ADCY8: variants seen among roughly 807,000 people sequenced by gnomAD.
ADCY8 encodes adenylate cyclase type 8.
In ADCY8, 51 loss-of-function variants were observed where a neutral mutation model predicts 119.7. The observed-to-expected ratio is 0.43, with a 90% CI of 0.34 to 0.54. ADCY8 has a LOEUF of 0.54. Ranked by LOEUF, ADCY8 falls within the 20% of genes least tolerant of loss-of-function variation. The pLI, the probability that ADCY8 is intolerant of heterozygous loss-of-function variation, is 0.03. For synonymous variants in ADCY8, 665 were observed against 651.0 expected (o/e 1.02, Z -0.33); for missense variants, 1,383 against 1,598.8 (o/e 0.87, Z 2.30).
At chr8:130,856,436 C>A (rs1427931344) in intron 9 of ADCY8, among the ~76,000 whole-genome samples, 1 of 152,072 alleles carries the variant, frequency 6.6e-6, no homozygotes, top group Non-Finnish European at 1.5e-5. Flanking sequence ...CACGGCCGGG[C>A]CCTTCTTGGC....
intron 7 of ADCY8, among the ~76,000 whole-genome samples, chr8:130,896,793 ACAGTAAGATAAC>A (rs1243859925): frequency 6.6e-6 from 1 of 152,090 alleles, no homozygotes; most frequent in Admixed American, 6.6e-5. Context: ...CTGTTACCCT[ACAGTAAGATAAC>A]TGTAAACAGT....
At position 130,966,948 on chromosome 8, in the gene ADCY8, T is replaced by C. The variant is rs546157048; in HGVS notation, c.1111-14950A>G. Among the ~76,000 whole-genome samples the C allele has an allele frequency of 1.7e-4, 26 of 152,308 alleles. No homozygotes were observed. In the South Asian group the frequency reaches 2.3e-3, roughly 13 times the overall value. On this transcript the variant is annotated intron_variant, in intron 2 of 17. Transcript: ENST00000286355. ...TTTTTGAACTTTAATTGTATATTGGTGCTAAAGCTTTCACTCTTAGAAAAA... is the reference window on the plus strand; with the variant it reads ...TTTTTGAACTTTAATTGTATATTGGCGCTAAAGCTTTCACTCTTAGAAAAA...
intron 1 of ADCY8, among the ~76,000 whole-genome samples, chr8:131,003,719 G>T (rs1183392419): frequency 6.6e-6 from 1 of 152,216 alleles, no homozygotes; most frequent in East Asian, 1.9e-4. Context: ...GTGATTGACT[G>T]TCTTGGTTTG....
At chr8:130,897,248 C>A (rs1025320769) in intron 7 of ADCY8, among the ~76,000 whole-genome samples, 12 of 152,044 alleles carry the variant, frequency 7.9e-5, no homozygotes, top group African/African-American at 2.7e-4. Flanking sequence ...GGACGGCAAT[C>A]AGATGAGAAT....
At chr8:130,846,879 TC>T (rs1476039885) in intron 11 of ADCY8, among the ~76,000 whole-genome samples, 1 of 23,656 alleles carries the variant, frequency 4.2e-5, no homozygotes, top group African/African-American at 2.5e-4. Context: ...TCCCTTCCCT[TC>T]CCTTCCCTTT....
intron 15 of ADCY8, among the ~76,000 whole-genome samples, chr8:130,786,783 G>T (rs1475497982): frequency 6.6e-6 from 1 of 152,174 alleles, no homozygotes; most frequent in Non-Finnish European, 1.5e-5. Context: ...GAGGGATGAG[G>T]AGATCAGGCC....
intron 5 of ADCY8, among the ~76,000 whole-genome samples, chr8:130,930,484 C>T (rs1450006340): frequency 1.3e-5 from 2 of 152,200 alleles, no homozygotes; most frequent in South Asian, 2.1e-4. Flanking sequence ...ATCCCCTGAC[C>T]TCACGATCCA....
At chr8:130,790,866 G>C (rs1039307031) in intron 15 of ADCY8, among the ~76,000 whole-genome samples, 1 of 152,148 alleles carries the variant, frequency 6.6e-6, no homozygotes. Flanking sequence ...TCAAGTGACG[G>C]TACTCAGAAG....
At chr8:130,847,140 AAAGG>A (rs531235308) in intron 11 of ADCY8, among the ~76,000 whole-genome samples, 189 of 152,140 alleles carry the variant, frequency 1.2e-3, no homozygotes, top group African/African-American at 4.3e-3. Context: ...GGAAAGGTGA[AAAGG>A]AAGAAAAGGA....
At chr8:130,942,222 T>C (rs1404554305) in intron 4 of ADCY8, among the ~76,000 whole-genome samples, 4 of 152,206 alleles carry the variant, frequency 2.6e-5, no homozygotes, top group African/African-American at 7.2e-5. Context: ...TTGAGATTCA[T>C]TGGTGTTGCA....
rs564812639 is a variant in ADCY8 at position 130,802,582 on chromosome 8, C to T, written c.2914-2010G>A. 2.0e-5 allele frequency among the ~76,000 whole-genome samples: 3 copies of T among 152,304 alleles called. No homozygotes were observed. In the South Asian group the frequency reaches 6.2e-4, roughly 32 times the overall value. On this transcript the variant is annotated intron_variant, in intron 14 of 17. Coordinates refer to ENST00000286355, the MANE Select transcript of ADCY8 (RefSeq NM_001115.3). ...CACTGAAGCATGACATATATGCATGCCCCTGCCTCCACCTATCTCTTCAGC... is the reference window on the plus strand; with the variant it reads ...CACTGAAGCATGACATATATGCATGTCCCTGCCTCCACCTATCTCTTCAGC...
intron 1 of ADCY8, among the ~76,000 whole-genome samples, chr8:131,005,670 G>T (rs774141385): frequency 1.3e-5 from 2 of 152,158 alleles, no homozygotes; most frequent in Non-Finnish European, 2.9e-5. Flanking sequence ...AATCAGGAAC[G>T]AGAGAGAGCA....
chr8:130,803,870 A>C (rs1815859715), intron 14 of ADCY8, among the ~76,000 whole-genome samples: 1 of 152,218 alleles, frequency 6.6e-6, no homozygotes, highest in South Asian at 2.1e-4. Flanking sequence ...AGCATGGATT[A>C]ATCTAAACTG....
At chr8:130,950,642 T>C (rs1378900728) in intron 3 of ADCY8, among the ~76,000 whole-genome samples, 3 of 152,240 alleles carry the variant, frequency 2.0e-5, no homozygotes, top group African/African-American at 4.8e-5. Flanking sequence ...ATTTCCCTCA[T>C]GTACTTCTCC....
At chr8:131,032,349 C>T (rs767590378) in intron 1 of ADCY8, among the ~76,000 whole-genome samples, 5 of 151,942 alleles carry the variant, frequency 3.3e-5, no homozygotes, top group Admixed American at 1.3e-4. Context: ...GATAGAAAAC[C>T]CCAGTAGCTA....
intron 7 of ADCY8, among the ~76,000 whole-genome samples, chr8:130,895,141 C>T (rs1199976370): frequency 6.6e-6 from 1 of 152,066 alleles, no homozygotes; most frequent in Non-Finnish European, 1.5e-5. Context: ...TTTTACTCTT[C>T]CTACCTATCT....
intron 2 of ADCY8, among the ~76,000 whole-genome samples, chr8:130,986,815 T>C (rs766583853): frequency 2.0e-5 from 3 of 152,218 alleles, no homozygotes; most frequent in Non-Finnish European, 4.4e-5. Flanking sequence ...GCCTGGTGCA[T>C]AGTTAACACT....
chr8:130,920,144 T>TAAAAAAAA (rs71304399), intron 5 of ADCY8, among the ~76,000 whole-genome samples: 1 of 99,812 alleles, frequency 1.0e-5, no homozygotes, highest in Non-Finnish European at 1.9e-5. Flanking sequence ...CTCCGTTTCT[T>TAAAAAAAA]AAAAAAAAAA....
At chr8:130,976,318 T>A (rs963576708) in intron 2 of ADCY8, among the ~76,000 whole-genome samples, 5 of 152,216 alleles carry the variant, frequency 3.3e-5, no homozygotes, top group African/African-American at 9.6e-5. Context: ...ATTGGCTTGA[T>A]GATAAGGGCA....
Sources: gnomAD v4.1 joint callset for allele counts (sites outside exome capture counted in the v4.1 genomes callset) on GRCh38, gnomAD v4.1.1 for gene constraint, MANE v1.5 for transcripts, NCBI Gene and HGNC (gene_info 2026-07-23, HGNC 2026-07-21) for gene names.